Variants in KCNAB2 observed in about 807,000 individuals in gnomAD.
The protein encoded by KCNAB2 is potassium voltage-gated channel subfamily A regulatory beta subunit 2.
Under a neutral mutation model 63.6 loss-of-function variants are expected in KCNAB2, and 29 were observed. The ratio of observed to expected loss-of-function variants is 0.46; its 90% CI spans 0.34 to 0.62. KCNAB2 has a LOEUF of 0.62. KCNAB2 is among the 20% of genes least tolerant of loss of function. The pLI is 0.01. For missense variants in KCNAB2, 359 were observed against 563.9 expected (o/e 0.64, Z 3.68); for synonymous variants, 222 against 224.2 (o/e 0.99, Z 0.09).
chr1:6,019,906 A>G (rs115326024), intron 1 of KCNAB2, among the ~76,000 whole-genome samples: 1,762 of 152,346 alleles, frequency 0.012, 31 homozygotes, highest in African/African-American at 0.039. Context: ...TTCGTTGTCA[A>G]TCTCCGGAGG....
Position 6,008,358 on chromosome 1 carries a change from C to T in KCNAB2, c.-53+15570C>T, listed in dbSNP as rs572845375. Among the ~76,000 whole-genome samples, 15 of 152,254 alleles carry T rather than the reference C, an allele frequency of 9.9e-5. No homozygotes were observed. The South Asian group carries it at 2.9e-3, about 29-fold the overall frequency. ...ACTCAGAGCCAGGCACGGTGGTTCA[C>T]GCCTGTAATCCCAGCACTTTGGTAG... On this transcript the variant is annotated intron_variant, in intron 1 of 16. Coordinates refer to the KCNAB2 transcript ENST00000341524.
chr1:6,044,901 ACAGAGAGGAGCAGTGGACC>A (rs1570942161), upstream of KCNAB2, among the ~76,000 whole-genome samples: 1 of 152,172 alleles, frequency 6.6e-6, no homozygotes, highest in East Asian at 1.9e-4. Context: ...ACAGAAAGGG[ACAGAGAGGAGCAGTGGACC>A]CAGGGAAGGA....
At chr1:6,025,968 C>T (rs1459416866) in intron 1 of KCNAB2, 1 of 155,062 alleles carries the variant, frequency 6.4e-6, no homozygotes, top group Non-Finnish European at 1.4e-5. Flanking sequence ...CGGCACACAG[C>T]CGATCCCGGC....
rs1023571626 is a variant in KCNAB2 at position 6,099,587 on chromosome 1, C to T, written c.*1013C>T. The T allele has an allele frequency of 1.5e-5, 9 of 585,312 alleles. No individual in the cohort carries two copies. Among genetic ancestry groups the T allele is most frequent in the South Asian group, 1.0e-4 (3 of 29,824 alleles). The allele number at this position is 585,312 out of a possible 1,614,324, so 36.3% of individuals were successfully genotyped here. A position where few individuals can be genotyped will look rare whatever the true frequency, so the allele number is the denominator to read the frequency against. On this transcript the variant is annotated 3_prime_UTR_variant, in exon 16 of 16. Coordinates refer to ENST00000378083, the MANE Select transcript of KCNAB2 (RefSeq NM_001199862.2). ...GGCCCCTGTAGACTTTCTCTAAAGC[C>T]GCCCGCCAGCCCAGGCCGCTGCTCT...
chr1:6,003,485 A>C lies in KCNAB2; in HGVS notation c.-53+10697A>C, dbSNP rs1657379766. Among the ~76,000 whole-genome samples the C allele has an allele frequency of 3.3e-5, 5 of 152,158 alleles. No homozygotes were observed. The highest frequency in any genetic ancestry group is 3.3e-4 in the Admixed American group (5 of 15,280). ...CGCGAGCCCTGCCCCAGCCAGGAGC[A>C]CTCACTGAGTGGCCACATTATACCC... On this transcript the variant is annotated intron_variant, in intron 1 of 16. Transcript: ENST00000341524. This position sits in a 1 kb window ranked among gnomAD's most constrained non-coding sequence, Gnocchi z 4.1.
At chr1:6,009,343 A>G (rs1381188606) in intron 1 of KCNAB2, among the ~76,000 whole-genome samples, 4 of 152,240 alleles carry the variant, frequency 2.6e-5, no homozygotes, top group Non-Finnish European at 1.5e-5. Context: ...AGCAGGCAGC[A>G]GACCATAAGC....
At chr1:6,049,453 G>A (rs1402224282) in intron 1 of KCNAB2, among the ~76,000 whole-genome samples, 1 of 152,236 alleles carries the variant, frequency 6.6e-6, no homozygotes, top group East Asian at 1.9e-4. Flanking sequence ...CAGGAAAGAG[G>A]CACATGGTGT....
chr1:6,077,583 G>C (rs1663774960), intron 4 of KCNAB2, among the ~76,000 whole-genome samples: 1 of 152,222 alleles, frequency 6.6e-6, no homozygotes, highest in African/African-American at 2.4e-5. Flanking sequence ...GATGACCACA[G>C]GTTTCTGTGA....
rs776491730 is a variant in KCNAB2 at position 6,095,636 on chromosome 1, G to A, written c.948+12G>A. The stretch of plus-strand genomic sequence containing the variant: ...GAGCCTCCTTGAAGGTGAAGGAACA[G>A]CCTGGTGGGGAGGGACGGGCAGGGG... On this transcript the variant is annotated intron_variant, in intron 13 of 15. Coordinates refer to ENST00000378083, the MANE Select transcript of KCNAB2 (RefSeq NM_001199862.2). 28 of 1,612,012 alleles carry A rather than the reference G, an allele frequency of 1.7e-5. No homozygotes were observed. The highest frequency in any genetic ancestry group is 2.4e-5 in the Non-Finnish European group (28 of 1,178,980).
chr1:6,098,662 T>C lies in KCNAB2; in HGVS notation c.*88T>C, dbSNP rs1665844063. 6.6e-7 allele frequency: 1 copy of C among 1,505,654 alleles called. No homozygotes were observed. Among genetic ancestry groups the C allele is most frequent in the East Asian group, 2.3e-5 (1 of 42,564 alleles). 93.3% of individuals were successfully genotyped at this position (1,505,654 alleles called of 1,614,324 possible). ...AGCTGTTTTGAAGCCAAGTGAAGAG[T>C]GTGGTTTGCATCCAAGAGAAAACAC... On this transcript the variant is annotated 3_prime_UTR_variant, in exon 16 of 16. Coordinates refer to ENST00000378083, the MANE Select transcript of KCNAB2 (RefSeq NM_001199862.2).
At chr1:6,016,491 G>A (rs1202645830) in intron 1 of KCNAB2, among the ~76,000 whole-genome samples, 2 of 152,240 alleles carry the variant, frequency 1.3e-5, no homozygotes, top group Non-Finnish European at 2.9e-5. Context: ...TCAATAGACC[G>A]TGGAGCCAAG....
rs1664676859 is a variant in KCNAB2 at position 6,086,121 on chromosome 1, G to A, written c.425+873G>A. 3 of 985,392 alleles carry A rather than the reference G, an allele frequency of 3.0e-6. No individual in the cohort carries two copies. The highest frequency in any genetic ancestry group is 3.6e-6 in the Non-Finnish European group (3 of 829,932). The allele number at this position is 985,392 out of a possible 1,614,324, so 61.0% of individuals were successfully genotyped here. A position where few individuals can be genotyped will look rare whatever the true frequency, so the allele number is the denominator to read the frequency against. On this transcript the variant is annotated intron_variant, in intron 6 of 15. Transcript: ENST00000378083. This position sits in a 1 kb window ranked among gnomAD's most constrained non-coding sequence, Gnocchi z 4.2. Reference sequence around the variant, plus strand: ...TATCTCAAGGTGCTGACAAGCCCCGGGGCCCTGTTCCTTAATAAATGCGTC... The same window carrying A: ...TATCTCAAGGTGCTGACAAGCCCCGAGGCCCTGTTCCTTAATAAATGCGTC...
chr1:6,001,641 T>TC (rs1344194050), intron 1 of KCNAB2, among the ~76,000 whole-genome samples: 20 of 152,006 alleles, frequency 1.3e-4, no homozygotes, highest in South Asian at 1.0e-3. Context: ...AGGGGACGCT[T>TC]CCCCCCAGGC....
At chr1:6,023,266 T>A (rs1034127070) in intron 1 of KCNAB2, among the ~76,000 whole-genome samples, 6 of 152,216 alleles carry the variant, frequency 3.9e-5, no homozygotes, top group African/African-American at 7.2e-5. Context: ...AACACACGGG[T>A]ACAAATATCC....
chr1:6,046,605 A>T (rs1012461320), intron 1 of KCNAB2, among the ~76,000 whole-genome samples: 1 of 152,236 alleles, frequency 6.6e-6, no homozygotes, highest in Non-Finnish European at 1.5e-5. Flanking sequence ...TGCAGGAAGC[A>T]CGTGCTGAGG....
exon 2 of KCNAB2, chr1:6,040,634 G>A (rs1421447508): frequency 1.9e-6 from 3 of 1,613,554 alleles, no homozygotes; most frequent in Middle Eastern, 1.7e-4. Flanking sequence ...GCTCCCCCGG[G>A]ATGATCTACA....
intron 1 of KCNAB2, among the ~76,000 whole-genome samples, chr1:6,029,167 C>A (rs1659411133): frequency 6.6e-6 from 1 of 151,804 alleles, no homozygotes. Flanking sequence ...CCTGTAGTCC[C>A]AGCTACTCAG....
chr1:6,089,568 A>C (rs151235698), intron 8 of KCNAB2, among the ~76,000 whole-genome samples: 1 of 152,250 alleles, frequency 6.6e-6, no homozygotes, highest in East Asian at 1.9e-4. Context: ...CATTCCATTG[A>C]AAATCACCTG....
At chr1:6,059,261 G>A (rs1176553507) in intron 2 of KCNAB2, among the ~76,000 whole-genome samples, 1 of 152,126 alleles carries the variant, frequency 6.6e-6, no homozygotes, top group Non-Finnish European at 1.5e-5. Context: ...TGCAATCATA[G>A]CTCACTGCAG....
Sources: allele counts gnomAD v4.1 joint callset (sites outside exome capture counted in the v4.1 genomes callset), GRCh38; gene constraint gnomAD v4.1.1; non-coding constraint Gnocchi (gnomAD v3.1); transcripts MANE v1.5; gene names NCBI Gene and HGNC (gene_info 2026-07-23, HGNC 2026-07-21).